The following TECPR1 variants were observed in gnomAD, a reference collection of about 807,000 sequenced individuals.
TECPR1 encodes tectonin beta-propeller repeat containing 1.
TECPR1 carries 122 observed loss-of-function variants against 162.4 expected under a neutral mutation model. The observed-to-expected ratio is 0.75, with a 90% CI of 0.65 to 0.87. The LOEUF (loss-of-function observed/expected upper bound fraction) is 0.87, where lower values mean the gene tolerates loss of function less well. TECPR1 is among the 40% of genes least tolerant of loss of function. The pLI is 0.00. For missense variants in TECPR1, 1,432 were observed against 1,618.2 expected, an observed-to-expected ratio of 0.88 and a Z score of 1.97; for synonymous variants, 642 against 670.6, an observed-to-expected ratio of 0.96 and a Z score of 0.66.
At position 98,231,331 on chromosome 7, in the gene TECPR1, C is replaced by A; in HGVS notation, c.2017G>T (p.Val673Leu). Reference sequence around the variant, plus strand: ...AAGGAGTGCTTGGTCTCGTTCAGCACTGGGACCAGCGCCACCACCTCATTC... The same window carrying A: ...AAGGAGTGCTTGGTCTCGTTCAGCAATGGGACCAGCGCCACCACCTCATTC... ...FLNEVVALVPVLNETKHSFAL... is the reference protein window; with the variant it reads ...FLNEVVALVPLLNETKHSFAL... Residue 673 changes from valine to leucine, a missense_variant, in exon 14 of 26, where the codon GTG (valine) becomes TTG (leucine). By Grantham distance (32) the Val-to-Leu change is conservative. Coordinates refer to ENST00000447648, the MANE Select transcript of TECPR1 (RefSeq NM_015395.3). The A allele has an allele frequency of 6.2e-7, 1 of 1,610,622 alleles. No individual in the cohort carries two copies. Among genetic ancestry groups the A allele is most frequent in the Non-Finnish European group, 8.5e-7 (1 of 1,178,536 alleles).
At position 98,218,005 on chromosome 7, in the gene TECPR1, G is replaced by T. The variant is rs747872474; in HGVS notation, c.3195C>A (p.Tyr1065Ter). The T allele has an allele frequency of 1.3e-6, 2 of 1,567,506 alleles. No homozygotes were observed. The highest frequency in any genetic ancestry group is 1.2e-5 in the South Asian group (1 of 85,024). ...CGTGCTCCCAGCTGGAGCCCTGCGG[G>T]TAGCTGGGCGTGATCCCTTGGCGAT... ...LWYRQGITPSYPQGSSWEHVS... is the reference protein window; with the variant it reads ...LWYRQGITPS Residue 1065 changes from tyrosine to a stop codon, truncating the protein, a stop_gained, in exon 24 of 26, where the codon TAC (tyrosine) becomes TAA (stop). Transcript: ENST00000447648. LOFTEE classifies it high-confidence loss of function.
chr7:98,245,085 A>C lies in TECPR1; in HGVS notation c.226-18T>G. 6.4e-7 allele frequency: 1 copy of C among 1,563,566 alleles called. No individual in the cohort carries two copies. The highest frequency in any genetic ancestry group is 8.7e-7 in the Non-Finnish European group (1 of 1,155,068). ...TTCCAGCGCTGAGGGCCGGGGACAC[A>C]GAGGCGGCCTTGGACCCAAGCCTGC... On this transcript the variant is annotated intron_variant, in intron 3 of 25. Transcript: ENST00000447648.
At chr7:98,236,956 G>A (rs761473093) in intron 9 of TECPR1, 35 bp from the exon 10 acceptor site, 1 of 1,496,820 alleles carries the variant, frequency 6.7e-7, no homozygotes. Context: ...AGGAATCTGG[G>A]CGCAGGCCCG....
At position 98,224,863 on chromosome 7, in the gene TECPR1, C is replaced by T. The variant is rs770250224; in HGVS notation, c.2628G>A (p.Val876=). 1.9e-6 allele frequency: 3 copies of T among 1,568,016 alleles called. No homozygotes were observed. The highest frequency in any genetic ancestry group is 2.6e-6 in the Non-Finnish European group (3 of 1,156,920). Residue 876 remains valine, a synonymous_variant, in exon 19 of 26, where the codon GTG becomes GTA. Transcript: ENST00000447648. ...LQWAWVSDWF[V]DFSVPGGTDQ... is the part of the protein sequence containing the mutation. ...CCGTGCCCCCCGGAACGCTGAAATC[C>T]ACGAACCAGTCGGAAACCTGGGAGG...
In TECPR1 at chr7:98,231,803, C is replaced by T; in HGVS notation, c.1974+1G>A. 3.7e-6 allele frequency: 6 copies of T among 1,610,618 alleles called. No homozygotes were observed. The highest frequency in any genetic ancestry group is 5.1e-6 in the Non-Finnish European group (6 of 1,178,144). ...CCATCTCCTGTGGGACCCGTGGGCA[C>T]CTTCTTCTCCTCGTGGACCACATAG... On this transcript the variant is annotated splice_donor_variant, in intron 13 of 25. Transcript: ENST00000447648. LOFTEE classifies it high-confidence loss of function.
chr7:98,240,746 G>T, intron 8 of TECPR1, 105 bp downstream of exon 8: 1 of 937,892 alleles, frequency 1.1e-6, no homozygotes, highest in Non-Finnish European at 1.6e-6. Flanking sequence ...TTTGAGACAG[G>T]GTCTCGCTCT....
Position 98,236,796 on chromosome 7 carries a change from G to T in TECPR1, c.1161C>A (p.Gly387=). 1 of 1,592,636 alleles carries T rather than the reference G, an allele frequency of 6.3e-7. No individual in the cohort carries two copies. The highest frequency in any genetic ancestry group is 1.1e-5 in the South Asian group (1 of 87,528). ...AARECDRSHS[G]SSSSLLSAGC... Reference sequence around the variant, plus strand: ...GTCACCTGAGGAGACTAGACGAGCTGCCAGAGTGTGACCGGTCACACTCTC... The same window carrying T: ...GTCACCTGAGGAGACTAGACGAGCTTCCAGAGTGTGACCGGTCACACTCTC... Residue 387 remains glycine, a synonymous_variant, in exon 10 of 26, where the codon GGC becomes GGA. Transcript: ENST00000447648.
rs368691678 is a variant in TECPR1 at position 98,243,560 on chromosome 7, G to A, written c.564C>T (p.Pro188=). 131 of 1,612,542 alleles carry A rather than the reference G, an allele frequency of 8.1e-5. No homozygotes were observed. In the African/African-American group the frequency reaches 1.2e-3, roughly 15 times the overall value. The part of the protein sequence containing the change: ...IPSKDDPKEL[P]DPFNDLSVGG... ...CTACAGAGAGGTCGTTGAAGGGGTC[G>A]GGCAGCTCCTTGGGGTCATCCTTCG... Residue 188 remains proline, a synonymous_variant, in exon 6 of 26, where the codon CCC becomes CCT. Coordinates refer to ENST00000447648, the MANE Select transcript of TECPR1 (RefSeq NM_015395.3).
intron 25 of TECPR1, 40 bp downstream of exon 25, chr7:98,217,652 C>A (rs1201294085): frequency 1.3e-6 from 2 of 1,521,142 alleles, no homozygotes; most frequent in Non-Finnish European, 8.8e-7. Context: ...AGTGCAGGCA[C>A]AAGGTGATAA....
rs1798823321 is a variant in TECPR1 at position 98,243,520 on chromosome 7, TG to T, written c.603del (p.Thr202ArgfsTer134). 6.2e-7 allele frequency: 1 copy of T among 1,612,506 alleles called. No homozygotes were observed. The highest frequency in any genetic ancestry group is 1.3e-5 in the African/African-American group (1 of 74,918). On this transcript the variant is annotated frameshift_variant, in exon 6 of 26. Transcript: ENST00000447648. LOFTEE classifies it high-confidence loss of function. ...FNDLSVGGWEITEEPVGRLSV... is the reference protein window; with the variant it reads ...FNDLSVGGWEXTEEPVGRLSV... ...GACAGGCGGCCCACAGGCTCCTCCG[TG>T]ATCTCCCAGCCCCCTACAGAGAGGT...
intron 22 of TECPR1, among the ~76,000 whole-genome samples, chr7:98,222,063 C>T (rs1036410846): frequency 6.6e-5 from 10 of 152,226 alleles, no homozygotes; most frequent in South Asian, 2.1e-4. Context: ...TGAGTACCAG[C>T]GTCCCCGTGT....
At chr7:98,236,991 T>A in intron 9 of TECPR1, 70 bp from the exon 10 acceptor site, 2 of 1,436,536 alleles carry the variant, frequency 1.4e-6, no homozygotes, top group Non-Finnish European at 9.2e-7. Flanking sequence ...TTCCTAGGGG[T>A]GCAAAATGCA....
chr7:98,245,567 G>C (rs1273993936), intron 3 of TECPR1, among the ~76,000 whole-genome samples: 2 of 152,158 alleles, frequency 1.3e-5, no homozygotes, highest in Non-Finnish European at 2.9e-5. Flanking sequence ...GACCTCCCTG[G>C]CTCAAGTGAT....
rs761521144 is a variant in TECPR1 at position 98,231,337 on chromosome 7, C to T, written c.2011G>A (p.Val671Ile). 6.2e-7 allele frequency: 1 copy of T among 1,609,634 alleles called. No homozygotes were observed. Among genetic ancestry groups the T allele is most frequent in the Non-Finnish European group, 8.5e-7 (1 of 1,178,040 alleles). The change falls in exon 14 of 26, where the codon GTC (valine) becomes ATC (isoleucine). Residue 671 changes from valine (V) to isoleucine (I), a missense_variant. Transcript: ENST00000447648. ...HIFLNEVVAL[V>I]PVLNETKHSF... ...TGCTTGGTCTCGTTCAGCACTGGGA[C>T]CAGCGCCACCACCTCATTCAGGAAT...
intron 23 of TECPR1, 67 bp downstream of exon 23, chr7:98,221,594 T>G: frequency 2.1e-6 from 3 of 1,447,302 alleles, no homozygotes; most frequent in Non-Finnish European, 2.9e-6. Context: ...CCCAAAGTGC[T>G]GAGATTACAG....
intron 21 of TECPR1, 90 bp from the exon 22 acceptor site, chr7:98,222,611 T>A (rs368053881): frequency 5.5e-6 from 8 of 1,461,148 alleles, no homozygotes; most frequent in South Asian, 5.2e-5. Flanking sequence ...GCCTAGCGCG[T>A]GGGCAGCATA....
chr7:98,221,482 G>T lies in TECPR1; in HGVS notation c.3157+179C>A, dbSNP rs367620592. ...CCACTCTGTACCCATAAAAATTAAA[G>T]TTTTTTTTTTTTTTGAGATAGAGTC... On this transcript the variant is annotated intron_variant, in intron 23 of 25. Transcript: ENST00000447648. 5.1e-3 allele frequency among the ~76,000 whole-genome samples: 696 copies of T among 135,478 alleles called. 10 individuals carry two copies. The highest frequency in any genetic ancestry group is 0.018 in the African/African-American group (660 of 36,466). The allele number at this position is 135,478 out of a possible 152,430, so 88.9% of individuals were successfully genotyped here.
chr7:98,241,251 G>A lies in TECPR1; in HGVS notation c.658-7C>T, dbSNP rs373461889. ...CGTCCTCTCTGTACCACACCTGGGAGGCAAGACAGGGACACAGCACCTGCA... is the reference window on the plus strand; with the variant it reads ...CGTCCTCTCTGTACCACACCTGGGAAGCAAGACAGGGACACAGCACCTGCA... On this transcript the variant is annotated splice_polypyrimidine_tract_variant and splice_region_variant and intron_variant, in intron 6 of 25. Transcript: ENST00000447648. This position sits in a 1 kb window ranked among gnomAD's most constrained non-coding sequence, Gnocchi z 5.0. 10 of 1,612,138 alleles carry A rather than the reference G, an allele frequency of 6.2e-6. No individual in the cohort carries two copies. The African/African-American group carries it at 1.1e-4, about 17-fold the overall frequency.
rs892294571 is a variant in TECPR1 at position 98,228,188 on chromosome 7, G to A, written c.2411-72C>T. The A allele has an allele frequency of 4.9e-6, 6 of 1,213,982 alleles. No homozygotes were observed. The East Asian group carries it at 7.5e-5, about 15-fold the overall frequency. 75.2% of individuals were successfully genotyped at this position (1,213,982 alleles called of 1,614,324 possible). A position where few individuals can be genotyped will look rare whatever the true frequency, so the allele number is the denominator to read the frequency against. ...TTGGGACTCTGGCTTTCCGTCTGAA[G>A]CACAGATTCCCAGAGAGACGGGGAG... On this transcript the variant is annotated intron_variant, in intron 16 of 25. Transcript: ENST00000447648.
Sources: gnomAD v4.1 joint callset for allele counts (sites outside exome capture counted in the v4.1 genomes callset) on GRCh38, gnomAD v4.1.1 for gene constraint, Gnocchi (gnomAD v3.1) non-coding constraint, MANE v1.5 for transcripts, NCBI Gene and HGNC (gene_info 2026-07-23, HGNC 2026-07-21) for gene names.